The following CHM variants were observed in gnomAD, a reference collection of about 807,000 sequenced individuals.
CHM encodes rab proteins geranylgeranyltransferase component A 1.
Under a neutral mutation model 49.0 loss-of-function variants are expected in CHM, and 10 were observed. The observed-to-expected ratio is 0.20, with a 90% confidence interval of 0.13 to 0.35. CHM has a LOEUF of 0.35. CHM is among the 10% of genes least tolerant of loss of function. The pLI is 1.00. For synonymous variants in CHM, 184 were observed against 167.5 expected (o/e 1.10, Z -0.76); for missense variants, 455 against 478.4 (o/e 0.95, Z 0.46).
At chrX:85,988,209 A>C (rs1336140573) in intron 2 of CHM, among the ~76,000 whole-genome samples, 1 of 112,305 alleles carries the variant, frequency 8.9e-6, no homozygotes, top group African/African-American at 3.2e-5. Context: ...CAACATACAT[A>C]AATCAATAAA....
At chrX:85,877,425 G>A (rs1471640100) in intron 13 of CHM, among the ~76,000 whole-genome samples, 2 of 111,514 alleles carry the variant, frequency 1.8e-5, no homozygotes, top group South Asian at 3.8e-4. Flanking sequence ...AGTGTACAAC[G>A]ATGGTTATCA....
At chrX:85,876,503 T>C (rs1392175347) in intron 13 of CHM, among the ~76,000 whole-genome samples, 1 of 111,867 alleles carries the variant, frequency 8.9e-6, no homozygotes, top group African/African-American at 3.2e-5. Context: ...TTCTTCCTCA[T>C]TTAGGCAGGA....
intron 4 of CHM, among the ~76,000 whole-genome samples, chrX:85,966,601 A>T (rs1473670265): frequency 9.0e-6 from 1 of 111,681 alleles, no homozygotes; most frequent in Non-Finnish European, 1.9e-5. Context: ...AACCAACAAA[A>T]CTAAAGTGTG....
In CHM at chrX:85,949,978, A is replaced by AATATATATAT. The variant is rs200318878; in HGVS notation, c.1166+6165_1166+6174dup. Among the ~76,000 whole-genome samples, 213 of 42,759 alleles carry AATATATATAT rather than the reference A, an allele frequency of 5.0e-3. 7 individuals are homozygous for AATATATATAT. The highest frequency in any genetic ancestry group is 8.5e-3 in the East Asian group (11 of 1,294). The allele number at this position is 42,759 out of a possible 115,157, so 37.1% of individuals were successfully genotyped here. ...CTTTGAGCAATAAACACTGAAATTA[A>AATATATATAT]ATATATATATATATATATATATATA... On this transcript the variant is annotated intron_variant, in intron 8 of 14. Transcript: ENST00000357749.
At position 85,943,442 on chromosome X, in the gene CHM, G is replaced by T. The variant is rs372549396; in HGVS notation, c.1166+12711C>A. Among the ~76,000 whole-genome samples, 3 of 111,554 alleles carry T rather than the reference G, an allele frequency of 2.7e-5. No individual in the cohort carries two copies. The East Asian group carries it at 8.5e-4, about 31-fold the overall frequency. On this transcript the variant is annotated intron_variant, in intron 8 of 14. Transcript: ENST00000357749. Reference sequence around the variant, plus strand: ...GGAGGAGATAATTTGCTCATGGCTTGTTTTTCCTTTTACCTTTATCAATTA... The same window carrying T: ...GGAGGAGATAATTTGCTCATGGCTTTTTTTTCCTTTTACCTTTATCAATTA...
At chrX:85,902,105 A>T (rs185531766) in intron 9 of CHM, among the ~76,000 whole-genome samples, 17 of 111,974 alleles carry the variant, frequency 1.5e-4, no homozygotes, top group Admixed American at 1.5e-3. Context: ...ATATCTTTTG[A>T]TTATGGAAAT....
At chrX:85,977,174 C>T (rs1931324011) in intron 4 of CHM, among the ~76,000 whole-genome samples, 1 of 111,962 alleles carries the variant, frequency 8.9e-6, no homozygotes, top group Admixed American at 9.5e-5. Flanking sequence ...AATGGATTTT[C>T]TGTACTTTCT....
chrX:85,926,443 T>C (rs1019053142), intron 8 of CHM, among the ~76,000 whole-genome samples: 3 of 111,291 alleles, frequency 2.7e-5, no homozygotes, highest in African/African-American at 9.8e-5. Flanking sequence ...AAAAACCATG[T>C]TCTTCCCTCC....
chrX:85,967,771 C>T (rs1930660144), intron 4 of CHM, among the ~76,000 whole-genome samples: 2 of 111,376 alleles, frequency 1.8e-5, no homozygotes, highest in Admixed American at 9.6e-5. Flanking sequence ...CTTAACACTG[C>T]TTTTTGTAAA....
At chrX:85,983,988 G>A (rs906631367) in intron 2 of CHM, among the ~76,000 whole-genome samples, 10 of 110,600 alleles carry the variant, frequency 9.0e-5, no homozygotes, top group Non-Finnish European at 1.5e-4. Flanking sequence ...GATCACCTGA[G>A]GTGAGGAGGT....
intron 12 of CHM, among the ~76,000 whole-genome samples, chrX:85,891,251 A>C (rs973930567): frequency 2.7e-5 from 3 of 112,306 alleles, no homozygotes; most frequent in African/African-American, 9.7e-5. Flanking sequence ...GAGAAATTCA[A>C]GCCTGTTGCA....
intron 1 of CHM, among the ~76,000 whole-genome samples, chrX:86,036,928 T>G (rs1337088124): frequency 9.0e-6 from 1 of 110,974 alleles, no homozygotes; most frequent in Non-Finnish European, 1.9e-5. Flanking sequence ...TTTATTCTAC[T>G]TTTTTATGTT....
chrX:86,042,753 G>T (rs73630496), intron 1 of CHM, among the ~76,000 whole-genome samples: 84 of 110,311 alleles, frequency 7.6e-4, no homozygotes, highest in African/African-American at 2.7e-3. Context: ...GGCCCAGGAG[G>T]TTAAGGCTGC....
chrX:86,032,179 T>C (rs1179919224), intron 1 of CHM, among the ~76,000 whole-genome samples: 1 of 112,377 alleles, frequency 8.9e-6, no homozygotes, highest in Non-Finnish European at 1.9e-5. Flanking sequence ...TATTTTGAAC[T>C]ATACAGTCTC....
chrX:86,015,476 G>C (rs1034415119), intron 2 of CHM, among the ~76,000 whole-genome samples: 5 of 111,673 alleles, frequency 4.5e-5, no homozygotes, highest in Non-Finnish European at 7.5e-5. Flanking sequence ...GTGGGGTGTT[G>C]CTGAAAGATA....
intron 2 of CHM, among the ~76,000 whole-genome samples, chrX:86,016,092 C>A (rs1013713728): frequency 4.5e-5 from 5 of 110,965 alleles, no homozygotes; most frequent in African/African-American, 1.6e-4. Context: ...GAGATCGCAC[C>A]ACTGCACTCT....
intron 4 of CHM, among the ~76,000 whole-genome samples, chrX:85,966,530 A>G (rs5967657): frequency 0.17 from 19,055 of 110,442 alleles, 1,571 homozygotes; most frequent in Middle Eastern, 0.25. Flanking sequence ...ATAATATGAA[A>G]GGTGATTTAT....
chrX:85,968,410 G>A (rs752919912), intron 4 of CHM, among the ~76,000 whole-genome samples: 1 of 112,059 alleles, frequency 8.9e-6, no homozygotes, highest in Admixed American at 9.4e-5. Context: ...ACTGTTGGTT[G>A]TCTACTCAAC....
At chrX:86,025,617 C>G (rs1162744271) in intron 2 of CHM, among the ~76,000 whole-genome samples, 3 of 102,976 alleles carry the variant, frequency 2.9e-5, no homozygotes, top group African/African-American at 1.1e-4. Context: ...TTTGAGGTTA[C>G]AGTGAGCTAT....
Sources: allele counts gnomAD v4.1 joint callset (sites outside exome capture counted in the v4.1 genomes callset), GRCh38; gene constraint gnomAD v4.1.1; transcripts MANE v1.5; gene names NCBI Gene and HGNC (gene_info 2026-07-23, HGNC 2026-07-21).